Variants in ACSS2 observed in about 807,000 individuals in gnomAD.
ACSS2 encodes acetyl-coenzyme A synthetase, cytoplasmic.
In ACSS2, 58 loss-of-function variants were observed where a neutral mutation model predicts 90.6. That is an observed-to-expected ratio of 0.64 (90% CI 0.52 to 0.80). The LOEUF is 0.80. ACSS2 is among the 30% of genes least tolerant of loss of function. The pLI is 0.00. For missense variants in ACSS2, 759 were observed against 912.0 expected (o/e 0.83, Z 2.16); for synonymous variants, 300 against 330.9 (o/e 0.91, Z 1.01).
At chr20:34,923,561 T>G in intron 14 of ACSS2, 130 bp downstream of exon 14, 1 of 708,296 alleles carries the variant, frequency 1.4e-6, no homozygotes, top group South Asian at 1.7e-5. Context: ...GAAAAGAGGT[T>G]TATTTTGGAT....
intron 2 of ACSS2, among the ~76,000 whole-genome samples, chr20:34,890,903 T>C (rs1261277817): frequency 1.4e-5 from 2 of 142,504 alleles, no homozygotes; most frequent in East Asian, 4.1e-4. Context: ...TATTTGGAGC[T>C]CCCCAGATCC....
chr20:34,888,780 A>T (rs1396009409), intron 2 of ACSS2, among the ~76,000 whole-genome samples: 1 of 152,178 alleles, frequency 6.6e-6, no homozygotes, highest in Non-Finnish European at 1.5e-5. Flanking sequence ...TGTGCCACGC[A>T]GATAGTTGGG....
rs1222034798 is a variant in ACSS2 at position 34,925,176 on chromosome 20, G to C, written c.1658-522G>C. 2.0e-5 allele frequency among the ~76,000 whole-genome samples: 3 copies of C among 152,194 alleles called. No homozygotes were observed. The East Asian group carries it at 5.8e-4, about 29-fold the overall frequency. On this transcript the variant is annotated intron_variant, in intron 14 of 17. Coordinates refer to ENST00000360596, the MANE Select transcript of ACSS2 (RefSeq NM_018677.4). ...CAGTTTCTGAGGATCAGGAGTCTGTGAACAGTTTCACTGGGTAGTTCTCAT... is the reference window on the plus strand; with the variant it reads ...CAGTTTCTGAGGATCAGGAGTCTGTCAACAGTTTCACTGGGTAGTTCTCAT...
chr20:34,903,482 A>G (rs927493614), intron 2 of ACSS2, among the ~76,000 whole-genome samples: 1 of 152,186 alleles, frequency 6.6e-6, no homozygotes, highest in Admixed American at 6.5e-5. Flanking sequence ...GGTGGAGACA[A>G]TGAAGATACA....
Position 34,927,474 on chromosome 20 carries a change from G to A in ACSS2, c.*260G>A, listed in dbSNP as rs1438924871. On this transcript the variant is annotated 3_prime_UTR_variant, in exon 18 of 18. Transcript: ENST00000360596. The surrounding 1 kb of genome is among the most constrained non-coding windows in gnomAD (Gnocchi z 4.2). ...CAGAACCCAGAACAGAGACGAAAAG[G>A]CTACCTCTCCTACCCAAGTTAAGTG... The A allele has an allele frequency of 3.8e-6, 2 of 523,018 alleles. No individual in the cohort carries two copies. The highest frequency in any genetic ancestry group is 6.9e-6 in the Non-Finnish European group (2 of 291,106). 32.4% of individuals were successfully genotyped at this position (523,018 alleles called of 1,614,324 possible).
chr20:34,889,501 C>T (rs1232734292), intron 2 of ACSS2, among the ~76,000 whole-genome samples: 4 of 117,902 alleles, frequency 3.4e-5, no homozygotes, highest in East Asian at 2.3e-4. Flanking sequence ...GTGACCCGCC[C>T]GCCTCGGCCT....
intron 2 of ACSS2, among the ~76,000 whole-genome samples, chr20:34,895,962 T>C (rs956069764): frequency 2.6e-5 from 4 of 152,218 alleles, no homozygotes; most frequent in African/African-American, 9.6e-5. Context: ...GATGTACACA[T>C]AAAATGATGC....
intron 2 of ACSS2, among the ~76,000 whole-genome samples, chr20:34,900,166 C>CTTTTT (rs34951413): frequency 2.1e-4 from 17 of 79,218 alleles, no homozygotes; most frequent in Non-Finnish European, 3.3e-4. Flanking sequence ...CATGCCTGAC[C>CTTTTT]TTTTTTTTTT....
intron 7 of ACSS2, chr20:34,915,281 G>T: frequency 6.2e-7 from 1 of 1,613,760 alleles, no homozygotes. Context: ...ACTGCCGTGG[G>T]CACCGCTTCT....
At chr20:34,913,276 A>G in intron 3 of ACSS2, 89 bp downstream of exon 3, 1 of 1,559,746 alleles carries the variant, frequency 6.4e-7, no homozygotes, top group South Asian at 1.1e-5. Context: ...AAGGGATGGA[A>G]AGAATTTGGT....
intron 3 of ACSS2, 91 bp from the exon 4 acceptor site, chr20:34,913,302 C>T (rs1034724904): frequency 1.0e-5 from 16 of 1,542,482 alleles, no homozygotes; most frequent in African/African-American, 1.4e-5. Context: ...AGGAAGAGAA[C>T]AGGTCAGCTG....
At position 34,923,517 on chromosome 20, in the gene ACSS2, A is replaced by G. The variant is rs76591662; in HGVS notation, c.1657+86A>G. On this transcript the variant is annotated intron_variant, in intron 14 of 17. Coordinates refer to ENST00000360596, the MANE Select transcript of ACSS2 (RefSeq NM_018677.4). ...TTTCAGGAAGAGTTGGTGTGTTGCT[A>G]TAAAATAATACCTGAGACTGGGTGA... The G allele has an allele frequency of 6.7e-5, 62 of 928,928 alleles. No homozygotes were observed. The African/African-American group carries it at 8.4e-4, about 13-fold the overall frequency. 57.5% of individuals were successfully genotyped at this position (928,928 alleles called of 1,614,324 possible). A position where few individuals can be genotyped will look rare whatever the true frequency, so the allele number is the denominator to read the frequency against.
Position 34,927,120 on chromosome 20 carries a change from C to T in ACSS2, c.2012C>T (p.Ala671Val). The stretch of plus-strand genomic sequence containing the variant: ...ATGAGGCGAGTGCTTCGGAAGATTG[C>T]TCAGAATGACCATGACCTCGGGGAC... The part of the protein sequence containing the change: ...KIMRRVLRKI[A>V]QNDHDLGDMS... Residue 671 changes from alanine to valine, a missense_variant, in exon 18 of 18, where the codon GCT (alanine) becomes GTT (valine). Physicochemically the swap from Ala to Val is moderately conservative, Grantham distance 64. Coordinates refer to ENST00000360596, the MANE Select transcript of ACSS2 (RefSeq NM_018677.4). This position sits in a 1 kb window ranked among gnomAD's most constrained non-coding sequence, Gnocchi z 4.2. The T allele has an allele frequency of 1.2e-6, 2 of 1,614,172 alleles. No homozygotes were observed. Among genetic ancestry groups the T allele is most frequent in the Non-Finnish European group, 1.7e-6 (2 of 1,180,036 alleles).
intron 13 of ACSS2, chr20:34,922,979 G>A (rs2081235404): frequency 5.5e-6 from 1 of 183,186 alleles, no homozygotes; most frequent in African/African-American, 2.3e-5. Context: ...TTTCCTCAAG[G>A]ATTGCCCAAA....
chr20:34,883,670 G>A (rs1255897079), intron 2 of ACSS2, among the ~76,000 whole-genome samples: 1 of 152,192 alleles, frequency 6.6e-6, no homozygotes, highest in Non-Finnish European at 1.5e-5. Context: ...ATGAAGCATT[G>A]AAGGGTTATG....
chr20:34,881,261 T>G (rs2080066701), intron 1 of ACSS2, among the ~76,000 whole-genome samples: 1 of 151,178 alleles, frequency 6.6e-6, no homozygotes, highest in Non-Finnish European at 1.5e-5. Context: ...GGTCTCGAAC[T>G]CCTGATTTCA....
intron 2 of ACSS2, among the ~76,000 whole-genome samples, chr20:34,902,348 CAAA>C (rs778515203): frequency 1.3e-5 from 2 of 151,924 alleles, no homozygotes; most frequent in African/African-American, 2.4e-5. Flanking sequence ...AAACAAATAA[CAAA>C]AGAAGTATAG....
At chr20:34,903,339 CAAA>C (rs11476381) in intron 2 of ACSS2, among the ~76,000 whole-genome samples, 98 of 115,040 alleles carry the variant, frequency 8.5e-4, no homozygotes, top group South Asian at 3.5e-3. Context: ...GAGACTCTCT[CAAA>C]AAAAAAAAAA....
chr20:34,921,113 G>A lies in ACSS2; in HGVS notation c.1251G>A (p.Met417Ile). The stretch of plus-strand genomic sequence containing the variant: ...CACCCACAGCCATCCGTCTGCTCAT[G>A]AAGTTTGGAGATGAGCCTGTCACCA... ...YTAPTAIRLL[M>I]KFGDEPVTKH... The change falls in exon 10 of 18, where the codon ATG becomes ATA. Residue 417 changes from methionine (M) to isoleucine (I), a missense_variant. By Grantham distance (10) the Met-to-Ile change is conservative (BLOSUM62 1). Coordinates refer to ENST00000360596, the MANE Select transcript of ACSS2 (RefSeq NM_018677.4). 6.2e-7 allele frequency: 1 copy of A among 1,614,224 alleles called. No individual in the cohort carries two copies. Among genetic ancestry groups the A allele is most frequent in the Non-Finnish European group, 8.5e-7 (1 of 1,180,032 alleles).
Sources: gnomAD v4.1 joint callset for allele counts (sites outside exome capture counted in the v4.1 genomes callset) on GRCh38, gnomAD v4.1.1 for gene constraint, Gnocchi (gnomAD v3.1) non-coding constraint, MANE v1.5 for transcripts, NCBI Gene and HGNC (gene_info 2026-07-23, HGNC 2026-07-21) for gene names.